The following NDUFAF6 variants were observed in gnomAD, a reference collection of about 807,000 sequenced individuals.
The protein encoded by NDUFAF6 is NADH dehydrogenase (ubiquinone) complex I, assembly factor 6.
Under a neutral mutation model 40.8 loss-of-function variants are expected in NDUFAF6, and 45 were observed. The observed-to-expected ratio is 1.10, with a 90% CI of 0.87 to 1.42. The LOEUF (loss-of-function observed/expected upper bound fraction) is 1.42. NDUFAF6 is among the 40% of genes most tolerant of loss of function. The pLI, the probability that NDUFAF6 is intolerant of heterozygous loss-of-function variation, is 0.00. For missense variants in NDUFAF6, 435 were observed against 418.5 expected (o/e 1.04, Z -0.34); for synonymous variants, 185 against 155.9 (o/e 1.19, Z -1.39).
chr8:95,004,555 G>T (rs1826878246), intron 2 of NDUFAF6, among the ~76,000 whole-genome samples: 1 of 151,894 alleles, frequency 6.6e-6, no homozygotes, highest in Admixed American at 6.6e-5. Flanking sequence ...TTTCTGTGTT[G>T]CCCAGGCTGG....
intron 2 of NDUFAF6, among the ~76,000 whole-genome samples, chr8:95,089,668 A>G (rs1001184493): frequency 6.6e-6 from 1 of 152,108 alleles, no homozygotes; most frequent in Non-Finnish European, 1.5e-5. Flanking sequence ...AGGATATGCC[A>G]CAATTGGCAA....
At chr8:94,922,454 CAG>C (rs567951065) in intron 1 of NDUFAF6, among the ~76,000 whole-genome samples, 77 of 150,426 alleles carry the variant, frequency 5.1e-4, no homozygotes, top group Admixed American at 9.4e-4. Flanking sequence ...CCATACACAA[CAG>C]ACCTACTGGA....
chr8:95,041,472 CCTTA>C (rs1830138231), intron 3 of NDUFAF6, 94 bp from the exon 4 acceptor site: 5 of 815,104 alleles, frequency 6.1e-6, no homozygotes, highest in Non-Finnish European at 1.1e-5. Context: ...ACAAATGTTC[CCTTA>C]CTTAGTTTTG....
chr8:94,928,320 G>C (rs1241281720), intron 1 of NDUFAF6: 3 of 152,234 alleles, frequency 2.0e-5, no homozygotes, highest in East Asian at 1.9e-4. Flanking sequence ...TCTGTAGCTT[G>C]TGAGGTACTA....
chr8:95,040,433 C>T (rs1012108153), intron 3 of NDUFAF6, among the ~76,000 whole-genome samples: 2 of 152,282 alleles, frequency 1.3e-5, no homozygotes, highest in African/African-American at 4.8e-5. Context: ...CATTTTAAGA[C>T]TGCAAATATC....
At chr8:94,973,702 C>A (rs1824675076) in intron 1 of NDUFAF6, among the ~76,000 whole-genome samples, 1 of 107,676 alleles carries the variant, frequency 9.3e-6, no homozygotes, top group African/African-American at 3.4e-5. Context: ...GAGTGAGACT[C>A]TGTCTCAAAA....
intron 8 of NDUFAF6, among the ~76,000 whole-genome samples, chr8:95,054,836 G>A (rs1038067226): frequency 4.6e-5 from 7 of 152,162 alleles, no homozygotes; most frequent in Non-Finnish European, 8.8e-5. Flanking sequence ...AGCTTGGACA[G>A]GGCCTCTTAA....
At chr8:94,930,719 A>G (rs550171438) in intron 1 of NDUFAF6, 2 of 1,614,074 alleles carry the variant, frequency 1.2e-6, no homozygotes, top group East Asian at 4.5e-5. Flanking sequence ...TTTCATTTTG[A>G]GCTTCCACTC....
At chr8:95,087,278 C>T (rs1809083227) in intron 2 of NDUFAF6, among the ~76,000 whole-genome samples, 1 of 152,182 alleles carries the variant, frequency 6.6e-6, no homozygotes, top group Admixed American at 6.5e-5. Flanking sequence ...CCCTCCCCAC[C>T]CACTGACTGC....
chr8:94,958,220 T>G (rs1823244346), intron 1 of NDUFAF6: 1 of 152,238 alleles, frequency 6.6e-6, no homozygotes, highest in East Asian at 1.9e-4. Flanking sequence ...TATTTACTTC[T>G]GGAGCTGCCA....
At chr8:95,008,489 ATT>A (rs1454021149) in intron 2 of NDUFAF6, among the ~76,000 whole-genome samples, 2 of 152,160 alleles carry the variant, frequency 1.3e-5, no homozygotes, top group East Asian at 3.8e-4. Context: ...AGTAATTAAT[ATT>A]ATTAGTTAAT....
rs374565496 is a variant in NDUFAF6, at chr8:94,979,197, C to T, written c.-198-1662C>T. On this transcript the variant is annotated intron_variant, in intron 1 of 9. Coordinates refer to the NDUFAF6 transcript ENST00000396111. Reference sequence around the variant, plus strand: ...AATTATTTTTTCTCAGATGCAAATCCCCGCTTTTGTTGAGATTTTCTTTTT... The same window carrying T: ...AATTATTTTTTCTCAGATGCAAATCTCCGCTTTTGTTGAGATTTTCTTTTT... Among the ~76,000 whole-genome samples the T allele has an allele frequency of 1.2e-4, 18 of 152,182 alleles. No individual in the cohort carries two copies. The East Asian group carries it at 3.1e-3, about 26-fold the overall frequency.
At chr8:95,070,160 G>A (rs1832805313) in intron 9 of NDUFAF6, among the ~76,000 whole-genome samples, 2 of 152,046 alleles carry the variant, frequency 1.3e-5, no homozygotes, top group Non-Finnish European at 2.9e-5. Flanking sequence ...GGCAGCTTGG[G>A]TTTATATGCT....
chr8:94,931,347 C>G (rs1820373477), intron 1 of NDUFAF6, among the ~76,000 whole-genome samples: 1 of 152,142 alleles, frequency 6.6e-6, no homozygotes, highest in Admixed American at 6.5e-5. Context: ...TATCTCACAA[C>G]AGGGCACATT....
At chr8:95,098,832 G>T (rs976041673), upstream of NDUFAF6, among the ~76,000 whole-genome samples, 2 of 151,726 alleles carry the variant, frequency 1.3e-5, no homozygotes, top group Non-Finnish European at 2.9e-5. Flanking sequence ...TGAGGCAGGA[G>T]AATTGCTTGA....
intron 1 of NDUFAF6, among the ~76,000 whole-genome samples, chr8:94,914,827 C>CAA (rs530780157): frequency 3.1e-5 from 4 of 128,610 alleles, no homozygotes; most frequent in South Asian, 2.4e-4. Flanking sequence ...GGAGGCGTCT[C>CAA]AAAAAAAAAA....
chr8:95,005,649 A>C (rs922817744), intron 2 of NDUFAF6, among the ~76,000 whole-genome samples: 12 of 150,698 alleles, frequency 8.0e-5, no homozygotes, highest in African/African-American at 2.9e-4. Flanking sequence ...AAGCACTTGA[A>C]TAAGACTGTT....
At chr8:94,933,407 AAAG>A (rs965065388) in intron 1 of NDUFAF6, among the ~76,000 whole-genome samples, 17 of 152,336 alleles carry the variant, frequency 1.1e-4, no homozygotes, top group African/African-American at 3.1e-4. Flanking sequence ...AAGAAGGAAG[AAAG>A]AAGAAGAAAT....
chr8:94,946,634 C>T (rs547419605), intron 2 of NDUFAF6, among the ~76,000 whole-genome samples: 78 of 139,236 alleles, frequency 5.6e-4, no homozygotes, highest in Middle Eastern at 4.1e-3. Context: ...GAGTTTGAAG[C>T]TGCAGTGAGT....
Sources: allele counts gnomAD v4.1 joint callset (sites outside exome capture counted in the v4.1 genomes callset), GRCh38; gene constraint gnomAD v4.1.1; transcripts MANE v1.5; gene names NCBI Gene and HGNC (gene_info 2026-07-23, HGNC 2026-07-21).